The following RHOJ variants were observed in gnomAD, a reference collection of about 807,000 sequenced individuals.
RHOJ encodes ras homolog family member J.
A neutral mutation model predicts 23.4 loss-of-function variants in RHOJ; 11 were observed. That is an observed-to-expected ratio of 0.47 (90% confidence interval 0.30 to 0.78). The LOEUF (loss-of-function observed/expected upper bound fraction) is 0.78, where lower values mean the gene tolerates loss of function less well. RHOJ is among the 30% of genes least tolerant of loss of function. The pLI is 0.08. For synonymous variants in RHOJ, 102 were observed against 102.7 expected (o/e 0.99, Z 0.04); for missense variants, 254 against 273.4 (o/e 0.93, Z 0.50).
intron 1 of RHOJ, among the ~76,000 whole-genome samples, chr14:63,234,889 C>T (rs1049362093): frequency 1.1e-4 from 16 of 152,186 alleles, no homozygotes; most frequent in African/African-American, 3.6e-4. Flanking sequence ...ATTTGCTAAA[C>T]ATATCCACTG....
At chr14:63,263,999 T>C (rs901175833) in intron 1 of RHOJ, among the ~76,000 whole-genome samples, 1 of 151,948 alleles carries the variant, frequency 6.6e-6, no homozygotes, top group Non-Finnish European at 1.5e-5. Flanking sequence ...TTTTTTTAAT[T>C]TCAACTTTTA....
rs1347805893 is a variant in RHOJ, at chr14:63,292,880, G to C, written c.*1856G>C. ...GTGGAAGGATCACTTGAGCCCAGAAGGTAAGGCTGCAGTGAGCTGTGACTG... is the reference window on the plus strand; with the variant it reads ...GTGGAAGGATCACTTGAGCCCAGAACGTAAGGCTGCAGTGAGCTGTGACTG... On this transcript the variant is annotated 3_prime_UTR_variant, in exon 5 of 5. Transcript: ENST00000316754. 1.3e-5 allele frequency: 2 copies of C among 151,882 alleles called. No individual in the cohort carries two copies. The highest frequency in any genetic ancestry group is 2.9e-5 in the Non-Finnish European group (2 of 68,042). 9.4% of individuals were successfully genotyped at this position (151,882 alleles called of 1,614,324 possible).
rs1392504586 is a variant in RHOJ at position 63,291,190 on chromosome 14, C to A, written c.*166C>A. On this transcript the variant is annotated 3_prime_UTR_variant, in exon 5 of 5. Transcript: ENST00000316754. ...CTCCCAACACAGCACACTAGTCAGC[C>A]CACTGCCACGACCTCCCTGCCAGCC... The A allele has an allele frequency of 2.7e-6, 2 of 751,634 alleles. No individual in the cohort carries two copies. The highest frequency in any genetic ancestry group is 5.4e-5 in the East Asian group (2 of 36,932). 46.6% of individuals were successfully genotyped at this position (751,634 alleles called of 1,614,324 possible).
intron 1 of RHOJ, among the ~76,000 whole-genome samples, chr14:63,233,635 T>G (rs1894736482): frequency 6.6e-6 from 1 of 152,230 alleles, no homozygotes; most frequent in Non-Finnish European, 1.5e-5. Context: ...AACTAGATTT[T>G]ATTTAATAGC....
chr14:63,238,800 T>C (rs187123963), intron 1 of RHOJ, among the ~76,000 whole-genome samples: 1 of 152,288 alleles, frequency 6.6e-6, no homozygotes, highest in African/African-American at 2.4e-5. Flanking sequence ...CCTCAGGAAC[T>C]ATGAAGGGGA....
chr14:63,274,295 T>G (rs1321165621), intron 2 of RHOJ, among the ~76,000 whole-genome samples: 1 of 152,176 alleles, frequency 6.6e-6, no homozygotes, highest in Non-Finnish European at 1.5e-5. Flanking sequence ...ACTCCAAATT[T>G]CTTGCTCACG....
chr14:63,248,931 G>A (rs7154910), intron 1 of RHOJ, among the ~76,000 whole-genome samples: 4 of 151,954 alleles, frequency 2.6e-5, no homozygotes, highest in Non-Finnish European at 5.9e-5. Context: ...CACTTCCCCC[G>A]CATCTCCACC....
At chr14:63,259,055 T>G (rs947221349) in intron 1 of RHOJ, among the ~76,000 whole-genome samples, 1 of 152,222 alleles carries the variant, frequency 6.6e-6, no homozygotes, top group African/African-American at 2.4e-5. Flanking sequence ...TTCTCTTGCC[T>G]CAGCCTCCTA....
At chr14:63,248,149 T>C (rs537216805) in intron 1 of RHOJ, among the ~76,000 whole-genome samples, 1 of 152,284 alleles carries the variant, frequency 6.6e-6, no homozygotes, top group South Asian at 2.1e-4. Flanking sequence ...AATTAAGATA[T>C]GGATCTTTGA....
chr14:63,218,847 G>A (rs1477151433), intron 1 of RHOJ, among the ~76,000 whole-genome samples: 9 of 152,178 alleles, frequency 5.9e-5, no homozygotes, highest in South Asian at 2.1e-4. Flanking sequence ...AAGTATAGTC[G>A]TATACACAGC....
At chr14:63,228,107 G>A (rs1015736780) in intron 1 of RHOJ, among the ~76,000 whole-genome samples, 5 of 152,302 alleles carry the variant, frequency 3.3e-5, no homozygotes, top group African/African-American at 4.8e-5. Flanking sequence ...TGTCCTATGA[G>A]CATGTCCAAG....
At chr14:63,280,171 G>A (rs149112690) in intron 2 of RHOJ, among the ~76,000 whole-genome samples, 2 of 152,186 alleles carry the variant, frequency 1.3e-5, no homozygotes, top group African/African-American at 4.8e-5. Context: ...CTACAGGCGT[G>A]TGCCACCATG....
rs59297455 is a variant in RHOJ at position 63,236,748 on chromosome 14, A to AACACACACACACACAC, written c.178+31727_178+31742dup. ...TCTCTCTTCATGGGAAGAGGCTTGA[A>AACACACACACACACAC]ACACACACACACACACACACACACA... On this transcript the variant is annotated intron_variant, in intron 1 of 4. Coordinates refer to ENST00000316754, the MANE Select transcript of RHOJ (RefSeq NM_020663.5). Among the ~76,000 whole-genome samples the AACACACACACACACAC allele has an allele frequency of 5.6e-3, 781 of 138,436 alleles. 9 individuals carry two copies. Among genetic ancestry groups the AACACACACACACACAC allele is most frequent in the African/African-American group, 0.017 (626 of 37,188 alleles). The allele number at this position is 138,436 out of a possible 152,430, so 90.8% of individuals were successfully genotyped here. A position where few individuals can be genotyped will look rare whatever the true frequency, so the allele number is the denominator to read the frequency against.
In RHOJ at chr14:63,291,496, T is replaced by C. The variant is rs1308893772; in HGVS notation, c.*472T>C. Reference sequence around the variant, plus strand: ...TACCCATGTGTCTCACATTCATTTGTATTATTTCAAGAAATGTACTAATTT... The same window carrying C: ...TACCCATGTGTCTCACATTCATTTGCATTATTTCAAGAAATGTACTAATTT... On this transcript the variant is annotated 3_prime_UTR_variant, in exon 5 of 5. Transcript: ENST00000316754. 3 of 193,106 alleles carry C rather than the reference T, an allele frequency of 1.6e-5. No individual in the cohort carries two copies. Among genetic ancestry groups the C allele is most frequent in the Non-Finnish European group, 3.3e-5 (3 of 92,102 alleles). The allele number at this position is 193,106 out of a possible 1,614,324, so 12.0% of individuals were successfully genotyped here. A position where few individuals can be genotyped will look rare whatever the true frequency, so the allele number is the denominator to read the frequency against.
intron 2 of RHOJ, among the ~76,000 whole-genome samples, chr14:63,279,598 A>G (rs547517218): frequency 6.6e-6 from 1 of 152,326 alleles, no homozygotes; most frequent in South Asian, 2.1e-4. Context: ...GTATTTATCA[A>G]CTCCCACTAA....
At chr14:63,250,534 C>A (rs936389661) in intron 1 of RHOJ, among the ~76,000 whole-genome samples, 14 of 152,300 alleles carry the variant, frequency 9.2e-5, no homozygotes, top group African/African-American at 2.9e-4. Context: ...GCTACTGCGC[C>A]TGGCCTCACA....
At chr14:63,261,404 A>G (rs562005818) in intron 1 of RHOJ, among the ~76,000 whole-genome samples, 1 of 152,024 alleles carries the variant, frequency 6.6e-6, no homozygotes, top group Non-Finnish European at 1.5e-5. Context: ...GAACCTAACC[A>G]CCTATGCTAA....
chr14:63,285,466 G>A (rs1280300550), intron 4 of RHOJ, among the ~76,000 whole-genome samples: 1 of 151,944 alleles, frequency 6.6e-6, no homozygotes, highest in Non-Finnish European at 1.5e-5. Context: ...GATTCTTTCT[G>A]TTCAATACTT....
intron 1 of RHOJ, among the ~76,000 whole-genome samples, chr14:63,209,463 G>A (rs2139726055): frequency 6.6e-6 from 1 of 151,098 alleles, no homozygotes; most frequent in Middle Eastern, 3.4e-3. Context: ...GTTTGTACTT[G>A]CTTTTTCCCC....
Sources: gnomAD v4.1 joint callset for allele counts (sites outside exome capture counted in the v4.1 genomes callset) on GRCh38, gnomAD v4.1.1 for gene constraint, MANE v1.5 for transcripts, NCBI Gene and HGNC (gene_info 2026-07-23, HGNC 2026-07-21) for gene names.